MACROD2: variants seen among roughly 807,000 people sequenced by gnomAD.
MACROD2 encodes mono-ADP ribosylhydrolase 2, also known as ADP-ribose glycohydrolase MACROD2.
A neutral mutation model predicts 70.4 loss-of-function variants in MACROD2; 36 were observed. The observed-to-expected ratio is 0.51, with a 90% CI of 0.39 to 0.68. The LOEUF is 0.68. Among genes scored for constraint, MACROD2 ranks in the 30% least tolerant of loss-of-function variants. MACROD2 has a pLI of 0.00. For synonymous variants in MACROD2, 172 were observed against 178.8 expected (o/e 0.96, Z 0.30); for missense variants, 496 against 538.4 (o/e 0.92, Z 0.78).
intron 3 of MACROD2, among the ~76,000 whole-genome samples, chr20:14,320,100 A>G (rs2082645346): frequency 6.6e-6 from 1 of 152,186 alleles, no homozygotes; most frequent in African/African-American, 2.4e-5. Flanking sequence ...GTAAACCTGT[A>G]CTGCGCACAT....
At chr20:15,913,447 G>T (rs954903239) in intron 10 of MACROD2, among the ~76,000 whole-genome samples, 2 of 152,018 alleles carry the variant, frequency 1.3e-5, no homozygotes, top group South Asian at 4.2e-4. Context: ...TCTCTCTGTT[G>T]CTATCCCTTC....
At chr20:15,611,876 C>T (rs903847557) in intron 8 of MACROD2, among the ~76,000 whole-genome samples, 2 of 145,520 alleles carry the variant, frequency 1.4e-5, no homozygotes. Context: ...GGGGATTGGG[C>T]ATCCTAGATC....
chr20:14,387,591 AC>A, intron 3 of MACROD2, among the ~76,000 whole-genome samples: 1 of 152,356 alleles, frequency 6.6e-6, no homozygotes, highest in Middle Eastern at 3.4e-3. Context: ...TTCTCAATGA[AC>A]AGCCAAGCAT....
In MACROD2 at chr20:14,030,300, T is replaced by C. The variant is rs528149168; in HGVS notation, c.163+27896T>C. Reference sequence around the variant, plus strand: ...CCATCCATCTGCTTCAGCCTCCCAGTGTGCTGGGGTTATAGGCATGAGTTA... The same window carrying C: ...CCATCCATCTGCTTCAGCCTCCCAGCGTGCTGGGGTTATAGGCATGAGTTA... On this transcript the variant is annotated intron_variant, in intron 2 of 17. Coordinates refer to ENST00000684519, the MANE Select transcript of MACROD2 (RefSeq NM_001351661.2). 2.0e-5 allele frequency among the ~76,000 whole-genome samples: 3 copies of C among 152,136 alleles called. No homozygotes were observed. The East Asian group carries it at 5.8e-4, about 29-fold the overall frequency.
chr20:14,471,895 C>G (rs1284655861), intron 3 of MACROD2, among the ~76,000 whole-genome samples: 1 of 151,938 alleles, frequency 6.6e-6, no homozygotes, highest in African/African-American at 2.4e-5. Context: ...ACTATTTTTG[C>G]TTGGGAAAAT....
intron 6 of MACROD2, among the ~76,000 whole-genome samples, chr20:15,286,387 G>A (rs978452720): frequency 1.1e-4 from 17 of 151,448 alleles, no homozygotes; most frequent in African/African-American, 4.1e-4. Context: ...GATTCTCCAG[G>A]TTTATCATAT....
chr20:15,054,426 A>C (rs1198769552), intron 5 of MACROD2, among the ~76,000 whole-genome samples: 3 of 152,048 alleles, frequency 2.0e-5, no homozygotes, highest in Non-Finnish European at 4.4e-5. Flanking sequence ...TAGAGGCAAG[A>C]CTCCCCACTA....
At chr20:15,840,709 A>T (rs1251016389) in intron 8 of MACROD2, among the ~76,000 whole-genome samples, 1 of 152,150 alleles carries the variant, frequency 6.6e-6, no homozygotes, top group Admixed American at 6.6e-5. Context: ...GACTGTATAA[A>T]TTTCTTAAAC....
intron 6 of MACROD2, among the ~76,000 whole-genome samples, chr20:15,346,970 G>C (rs1186497171): frequency 6.6e-6 from 1 of 152,178 alleles, no homozygotes; most frequent in Non-Finnish European, 1.5e-5. Flanking sequence ...GCATGGTCAG[G>C]TGCTAGAGAG....
At chr20:15,761,741 G>A (rs777043166) in intron 8 of MACROD2, among the ~76,000 whole-genome samples, 6 of 152,142 alleles carry the variant, frequency 3.9e-5, no homozygotes, top group Admixed American at 3.9e-4. Context: ...TACCAGTCTC[G>A]GCCAACCGCT....
intron 5 of MACROD2, among the ~76,000 whole-genome samples, chr20:14,964,529 C>T (rs577979334): frequency 2.7e-4 from 41 of 151,532 alleles, no homozygotes; most frequent in African/African-American, 8.5e-4. Flanking sequence ...GCCGAGATCG[C>T]GCCACTGCAC....
intron 8 of MACROD2, among the ~76,000 whole-genome samples, chr20:15,664,282 C>T (rs2049865670): frequency 6.6e-6 from 1 of 152,134 alleles, no homozygotes; most frequent in Non-Finnish European, 1.5e-5. Flanking sequence ...AATTGAACCA[C>T]CAAGGGTTTA....
chr20:15,623,964 C>G (rs1307113875), intron 8 of MACROD2, among the ~76,000 whole-genome samples: 1 of 152,142 alleles, frequency 6.6e-6, no homozygotes, highest in African/African-American at 2.4e-5. Context: ...AATTGACTCA[C>G]TCGATCACAA....
At chr20:15,148,912 G>C (rs543689919) in intron 5 of MACROD2, among the ~76,000 whole-genome samples, 3 of 152,012 alleles carry the variant, frequency 2.0e-5, no homozygotes, top group South Asian at 2.1e-4. Flanking sequence ...GAAAAACTGC[G>C]TGGCTGTTTT....
At position 14,631,637 on chromosome 20, in the gene MACROD2, T is replaced by A. The variant is rs1440022795; in HGVS notation, c.302-53206T>A. Among the ~76,000 whole-genome samples the A allele has an allele frequency of 3.3e-5, 5 of 151,992 alleles. No individual in the cohort carries two copies. In the East Asian group the frequency reaches 9.7e-4, roughly 29 times the overall value. Reference sequence around the variant, plus strand: ...TGAAAATAAAAAAATTAGCCAGGCATGGTGGCGGGCGCCTGTAGTCCCAGC... The same window carrying A: ...TGAAAATAAAAAAATTAGCCAGGCAAGGTGGCGGGCGCCTGTAGTCCCAGC... On this transcript the variant is annotated intron_variant, in intron 4 of 17. Coordinates refer to ENST00000684519, the MANE Select transcript of MACROD2 (RefSeq NM_001351661.2).
At chr20:15,653,519 C>CCA (rs2049678494) in intron 8 of MACROD2, among the ~76,000 whole-genome samples, 1 of 152,204 alleles carries the variant, frequency 6.6e-6, no homozygotes, top group African/African-American at 2.4e-5. Flanking sequence ...CTGGATTCCA[C>CCA]CATTCCAACA....
chr20:15,628,225 T>A (rs887858311), intron 8 of MACROD2, among the ~76,000 whole-genome samples: 1 of 151,980 alleles, frequency 6.6e-6, no homozygotes, highest in East Asian at 1.9e-4. Context: ...AATTTCCTAA[T>A]TCCTTAAATA....
At chr20:15,647,766 C>T (rs1044661151) in intron 8 of MACROD2, among the ~76,000 whole-genome samples, 1 of 147,850 alleles carries the variant, frequency 6.8e-6, no homozygotes, top group Non-Finnish European at 1.5e-5. Context: ...GTCACCCAGG[C>T]GAGAGTGCAG....
At chr20:16,019,444 AG>A (rs1451452989) in intron 15 of MACROD2, among the ~76,000 whole-genome samples, 1 of 152,160 alleles carries the variant, frequency 6.6e-6, no homozygotes, top group African/African-American at 2.4e-5. Context: ...CAAGCATTAT[AG>A]GAAAAAATGT....
Sources: gnomAD v4.1 joint callset for allele counts (sites outside exome capture counted in the v4.1 genomes callset) on GRCh38, gnomAD v4.1.1 for gene constraint, MANE v1.5 for transcripts, NCBI Gene and HGNC (gene_info 2026-07-23, HGNC 2026-07-21) for gene names.